MYO3B: variants seen among roughly 807,000 people sequenced by gnomAD.
The protein encoded by MYO3B is myosin IIIB, also known as myosin-IIIb.
A neutral mutation model predicts 174.6 loss-of-function variants in MYO3B; 156 were observed. The ratio of observed to expected loss-of-function variants is 0.89; its 90% CI spans 0.78 to 1.02. The LOEUF (loss-of-function observed/expected upper bound fraction) is 1.02, where lower values mean the gene tolerates loss of function less well. MYO3B is among the 50% of genes least tolerant of loss of function. The pLI is 0.00. For synonymous variants in MYO3B, 563 were observed against 569.1 expected (o/e 0.99, Z 0.15); for missense variants, 1,632 against 1,639.4 (o/e 1.00, Z 0.08).
intron 27 of MYO3B, among the ~76,000 whole-genome samples, 158 bp from the exon 28 acceptor site, chr2:170,501,625 CTT>C (rs952624934): frequency 3.3e-5 from 5 of 152,196 alleles, no homozygotes; most frequent in African/African-American, 9.7e-5. Context: ...AGAGGCCTCT[CTT>C]CTCGCCATAG....
At chr2:170,499,988 G>GCAAATGTGTAT (rs1262691184) in intron 27 of MYO3B, among the ~76,000 whole-genome samples, 180 bp downstream of exon 27, 1 of 127,578 alleles carries the variant, frequency 7.8e-6, no homozygotes, top group African/African-American at 3.0e-5. Context: ...CCTTCCTTTA[G>GCAAATGTGTAT]CAAATGTGTA....
intron 7 of MYO3B, among the ~76,000 whole-genome samples, chr2:170,280,533 T>G (rs2105391305): frequency 6.6e-6 from 1 of 151,460 alleles, no homozygotes; most frequent in African/African-American, 2.4e-5. Flanking sequence ...CATGAAATTT[T>G]GTCATGAAAT....
intron 32 of MYO3B, among the ~76,000 whole-genome samples, chr2:170,627,847 G>T (rs111716942): frequency 1.4e-3 from 210 of 152,320 alleles, no homozygotes; most frequent in African/African-American, 4.6e-3. Flanking sequence ...TATCACCAGC[G>T]GAGGGTGTAG....
intron 7 of MYO3B, among the ~76,000 whole-genome samples, chr2:170,325,639 G>A (rs1351354431): frequency 6.6e-6 from 1 of 152,156 alleles, no homozygotes; most frequent in African/African-American, 2.4e-5. Context: ...GTTTGGGGAG[G>A]AACTGGTCGT....
intron 32 of MYO3B, among the ~76,000 whole-genome samples, chr2:170,618,558 A>G (rs1695616013): frequency 6.6e-6 from 1 of 152,178 alleles, no homozygotes; most frequent in Non-Finnish European, 1.5e-5. Flanking sequence ...AGCAGCCCAC[A>G]ATGCAATGGG....
rs903225822 is a variant in MYO3B, at chr2:170,356,215, C to T, written c.816-13007C>T. ...TGACCTCGTGATCCGCCCACCTCGG[C>T]CTCCCAAAGTGCTGGGATTACAGGC... On this transcript the variant is annotated intron_variant, in intron 8 of 34. Transcript: ENST00000408978. Among the ~76,000 whole-genome samples, 7 of 152,072 alleles carry T rather than the reference C, an allele frequency of 4.6e-5. 1 individual carries two copies. The Middle Eastern group carries it at 0.01, about 222-fold the overall frequency.
In MYO3B at chr2:170,387,202, C is replaced by T. The variant is rs1455150791; in HGVS notation, c.1471C>T (p.Arg491Cys). ...SCTAINDNSSRFGKYLEMMFT... is the reference protein window; with the variant it reads ...SCTAINDNSSCFGKYLEMMFT... ...CACTGCCATCAATGACAACTCGAGC[C>T]GTTTTGGAAAATATCTGGAAATGAT... is the stretch of plus-strand genomic sequence containing the variant. The change falls in exon 14 of 35, where the codon CGT becomes TGT. Residue 491 changes from arginine to cysteine, a missense_variant. Physicochemically the swap from Arg to Cys is radical, Grantham distance 180 (BLOSUM62 -3). Coordinates refer to ENST00000408978, the MANE Select transcript of MYO3B (RefSeq NM_138995.5). 6 of 1,613,948 alleles carry T rather than the reference C, an allele frequency of 3.7e-6. No homozygotes were observed. Among genetic ancestry groups the T allele is most frequent in the African/African-American group, 2.7e-5 (2 of 74,892 alleles).
intron 7 of MYO3B, among the ~76,000 whole-genome samples, chr2:170,278,481 T>G (rs760247946): frequency 2.0e-5 from 3 of 152,152 alleles, no homozygotes; most frequent in Admixed American, 6.5e-5. Flanking sequence ...AATTTTTTCT[T>G]TTTACTGATA....
intron 12 of MYO3B, chr2:170,385,948 AG>A: frequency 3.3e-6 from 1 of 305,416 alleles, no homozygotes; most frequent in African/African-American, 2.2e-5. Flanking sequence ...TATAATTACA[AG>A]GAAAAAACTC....
At chr2:170,570,105 A>T (rs1292892689) in intron 32 of MYO3B, among the ~76,000 whole-genome samples, 1 of 152,216 alleles carries the variant, frequency 6.6e-6, no homozygotes, top group African/African-American at 2.4e-5. Flanking sequence ...CTGGAGGAAG[A>T]TCCAAGATTA....
At chr2:170,463,073 C>T (rs981478425) in intron 23 of MYO3B, among the ~76,000 whole-genome samples, 6 of 152,168 alleles carry the variant, frequency 3.9e-5, no homozygotes, top group Non-Finnish European at 7.3e-5. Context: ...CTCATATGAC[C>T]TTACTGGAGA....
chr2:170,386,137 A>G (rs1574893563), intron 12 of MYO3B, 52 bp from the exon 13 acceptor site: 2 of 1,465,924 alleles, frequency 1.4e-6, no homozygotes, highest in Admixed American at 1.7e-5. Flanking sequence ...GAAGCATGCA[A>G]GTTGCTTCTG....
At chr2:170,636,676 G>T (rs1309088512) in intron 32 of MYO3B, among the ~76,000 whole-genome samples, 1 of 152,092 alleles carries the variant, frequency 6.6e-6, no homozygotes, top group South Asian at 2.1e-4. Context: ...GTTTCCCGGT[G>T]CCATCATGGA....
chr2:170,629,324 C>T (rs893206486), intron 32 of MYO3B, among the ~76,000 whole-genome samples: 3 of 152,164 alleles, frequency 2.0e-5, no homozygotes, highest in East Asian at 3.8e-4. Context: ...ACCTGACTCA[C>T]CCTCTGGTGA....
At chr2:170,374,971 G>A (rs1229101247) in intron 9 of MYO3B, among the ~76,000 whole-genome samples, 1 of 152,078 alleles carries the variant, frequency 6.6e-6, no homozygotes. Flanking sequence ...TTTGATTCAG[G>A]TACAATAGAG....
At chr2:170,212,453 A>G (rs1190862996) in intron 3 of MYO3B, among the ~76,000 whole-genome samples, 1 of 152,132 alleles carries the variant, frequency 6.6e-6, no homozygotes, top group Non-Finnish European at 1.5e-5. Flanking sequence ...TTAGAAGCCA[A>G]AGGAAAAAGA....
At position 170,516,552 on chromosome 2, in the gene MYO3B, A is replaced by G. The variant is rs540317714; in HGVS notation, c.3472+1530A>G. Among the ~76,000 whole-genome samples the G allele has an allele frequency of 2.0e-5, 3 of 151,578 alleles. No individual in the cohort carries two copies. In the East Asian group the frequency reaches 5.8e-4, roughly 29 times the overall value. On this transcript the variant is annotated intron_variant, in intron 29 of 34. Coordinates refer to ENST00000408978, the MANE Select transcript of MYO3B (RefSeq NM_138995.5). ...CAGCTGCTTGGGAGGCTGAGGCAGG[A>G]GAATGGTGTGAACCCGTGAGGCAGA...
At position 170,387,232 on chromosome 2, in the gene MYO3B, A is replaced by G; in HGVS notation, c.1501A>G (p.Thr501Ala). Reference protein sequence around the residue: ...RFGKYLEMMFTPTGVVMGARI... With the variant: ...RFGKYLEMMFAPTGVVMGARI... ...TGGAAAATATCTGGAAATGATGTTTACACCAACTGGAGTTGTGATGGGGGC... is the reference window on the plus strand; with the variant it reads ...TGGAAAATATCTGGAAATGATGTTTGCACCAACTGGAGTTGTGATGGGGGC... The change falls in exon 14 of 35, where the codon ACA (threonine) becomes GCA (alanine). Residue 501 changes from threonine (T) to alanine (A), a missense_variant. Physicochemically the swap from Thr to Ala is moderately conservative, Grantham distance 58. Coordinates refer to ENST00000408978, the MANE Select transcript of MYO3B (RefSeq NM_138995.5). 6.2e-7 allele frequency: 1 copy of G among 1,614,186 alleles called. No individual in the cohort carries two copies. Among genetic ancestry groups the G allele is most frequent in the Non-Finnish European group, 8.5e-7 (1 of 1,179,992 alleles).
intron 8 of MYO3B, among the ~76,000 whole-genome samples, chr2:170,354,225 TC>T (rs1300433332): frequency 6.6e-6 from 1 of 152,222 alleles, no homozygotes; most frequent in Non-Finnish European, 1.5e-5. Context: ...CTCCCTCTCT[TC>T]TTTTCTCTTC....
Sources: allele counts gnomAD v4.1 joint callset (sites outside exome capture counted in the v4.1 genomes callset), GRCh38; gene constraint gnomAD v4.1.1; transcripts MANE v1.5; gene names NCBI Gene and HGNC (gene_info 2026-07-23, HGNC 2026-07-21).